The following GAS7 variants were observed in gnomAD, a reference collection of about 807,000 sequenced individuals.
GAS7 encodes the protein growth arrest-specific protein 7.
A neutral mutation model predicts 71.1 loss-of-function variants in GAS7; 28 were observed. That is an observed-to-expected ratio of 0.39 (90% CI 0.29 to 0.54). The LOEUF (loss-of-function observed/expected upper bound fraction) is 0.54, where lower values mean the gene tolerates loss of function less well. Ranked by LOEUF, GAS7 falls within the 20% of genes least tolerant of loss-of-function variation. The pLI is 0.62. For missense variants in GAS7, 436 were observed against 627.8 expected, an observed-to-expected ratio of 0.69 and a Z score of 3.27; for synonymous variants, 258 against 245.8, an observed-to-expected ratio of 1.05 and a Z score of -0.46.
intron 1 of GAS7, among the ~76,000 whole-genome samples, chr17:10,045,689 G>A (rs192185764): frequency 3.9e-5 from 6 of 152,020 alleles, no homozygotes; most frequent in East Asian, 1.9e-4. Flanking sequence ...AGAGTGAGAC[G>A]CTATCTCAAA....
chr17:9,939,884 G>A (rs2068537993), intron 8 of GAS7, among the ~76,000 whole-genome samples: 1 of 152,128 alleles, frequency 6.6e-6, no homozygotes, highest in Non-Finnish European at 1.5e-5. Context: ...CTGGGATAAT[G>A]GGTGTGAGCC....
chr17:9,951,671 C>G (rs753882399), intron 5 of GAS7, among the ~76,000 whole-genome samples: 11 of 143,306 alleles, frequency 7.7e-5, no homozygotes, highest in Non-Finnish European at 1.7e-4. Flanking sequence ...GCAGGAGAAT[C>G]GCTTGAACCT....
intron 1 of GAS7, among the ~76,000 whole-genome samples, chr17:10,148,904 C>T (rs537902202): frequency 1.3e-4 from 10 of 77,184 alleles, no homozygotes; most frequent in Admixed American, 1.1e-3. Flanking sequence ...AGAAAGACTC[C>T]GCCTCAAAAA....
intron 1 of GAS7, among the ~76,000 whole-genome samples, chr17:10,075,567 G>C (rs1014581240): frequency 1.3e-5 from 2 of 152,032 alleles, no homozygotes; most frequent in Admixed American, 1.3e-4. Context: ...GGCCGAGGTG[G>C]GAGGATCACT....
chr17:10,074,466 C>T (rs2073371313), intron 1 of GAS7, among the ~76,000 whole-genome samples: 1 of 152,216 alleles, frequency 6.6e-6, no homozygotes, highest in South Asian at 2.1e-4. Context: ...CTCCTACCTT[C>T]TCAGTGTTGG....
chr17:10,125,889 T>G (rs1228729226), intron 1 of GAS7, among the ~76,000 whole-genome samples: 1 of 152,162 alleles, frequency 6.6e-6, no homozygotes, highest in Non-Finnish European at 1.5e-5. Flanking sequence ...CTCTCTACCC[T>G]CACATACACC....
At chr17:10,180,331 C>CAAAAAA (rs34829725) in intron 1 of GAS7, among the ~76,000 whole-genome samples, 4 of 96,432 alleles carry the variant, frequency 4.1e-5, no homozygotes, top group East Asian at 3.2e-4. Flanking sequence ...AACTCTGCCT[C>CAAAAAA]AAAAAAAAAA....
At chr17:9,943,538 C>A (rs1245526048) in intron 6 of GAS7, among the ~76,000 whole-genome samples, 1 of 152,214 alleles carries the variant, frequency 6.6e-6, no homozygotes, top group Non-Finnish European at 1.5e-5. Flanking sequence ...GCTGTGATGC[C>A]TAACGGCCTA....
rs1484824546 is a variant in GAS7 at position 9,913,163 on chromosome 17, C to G, written c.*4065G>C. On this transcript the variant is annotated 3_prime_UTR_variant, in exon 14 of 14. Transcript: ENST00000432992. ...GTATATTTCCAAAGGGTGAATTTTA[C>G]TGGATGTCAATCATACCTCAATAAA... is the stretch of plus-strand genomic sequence containing the variant. The G allele has an allele frequency of 4.3e-6, 1 of 232,184 alleles. No homozygotes were observed. The highest frequency in any genetic ancestry group is 5.6e-5 in the Admixed American group (1 of 17,746). 14.4% of individuals were successfully genotyped at this position (232,184 alleles called of 1,614,324 possible). A position where few individuals can be genotyped will look rare whatever the true frequency, so the allele number is the denominator to read the frequency against.
chr17:9,999,191 C>G (rs2071163639), intron 2 of GAS7, among the ~76,000 whole-genome samples: 1 of 152,160 alleles, frequency 6.6e-6, no homozygotes, highest in South Asian at 2.1e-4. Context: ...ATATAGAAGA[C>G]TTTCCAGTAA....
At chr17:10,063,296 CTG>C (rs148528620) in intron 1 of GAS7, among the ~76,000 whole-genome samples, 3 of 151,932 alleles carry the variant, frequency 2.0e-5, no homozygotes, top group South Asian at 2.1e-4. Context: ...GTTTGTGTGT[CTG>C]TGTGTGTGTG....
chr17:10,116,675 C>T (rs1368475775), intron 1 of GAS7, among the ~76,000 whole-genome samples: 1 of 152,204 alleles, frequency 6.6e-6, no homozygotes, highest in East Asian at 1.9e-4. Flanking sequence ...ACCAAGGAAT[C>T]ATTCATTCAT....
Position 10,029,662 on chromosome 17 carries a change from T to C in GAS7, c.184-9765A>G, listed in dbSNP as rs189721987. On this transcript the variant is annotated intron_variant, in intron 1 of 13. Transcript: ENST00000432992. ...TGAGCCCAGGAGTTTAAGACCAACC[T>C]GCGCAACACAGCAACTCCATCACCA... Among the ~76,000 whole-genome samples, 2 of 152,090 alleles carry C rather than the reference T, an allele frequency of 1.3e-5. 1 individual carries two copies. Among genetic ancestry groups the C allele is most frequent in the African/African-American group, 4.8e-5 (2 of 41,482 alleles).
At chr17:10,167,319 G>C (rs1454523171) in intron 1 of GAS7, among the ~76,000 whole-genome samples, 3 of 152,068 alleles carry the variant, frequency 2.0e-5, no homozygotes, top group Non-Finnish European at 4.4e-5. Context: ...CCAGAGTGCT[G>C]GGATTACAGG....
intron 1 of GAS7, among the ~76,000 whole-genome samples, chr17:10,078,053 T>TG (rs2073414387): frequency 6.8e-6 from 1 of 146,318 alleles, no homozygotes; most frequent in Non-Finnish European, 1.5e-5. Context: ...GTTTTTTCTG[T>TG]TGTGTGTGTG....
chr17:10,002,016 C>T (rs2071285657), intron 2 of GAS7, among the ~76,000 whole-genome samples: 1 of 152,170 alleles, frequency 6.6e-6, no homozygotes, highest in Non-Finnish European at 1.5e-5. Context: ...TTTACAGCAT[C>T]CTAGCGGACA....
At chr17:10,185,353 G>T (rs1466160400) in intron 1 of GAS7, among the ~76,000 whole-genome samples, 1 of 152,120 alleles carries the variant, frequency 6.6e-6, no homozygotes, top group Non-Finnish European at 1.5e-5. Flanking sequence ...TGAACAGGCA[G>T]CCCCCAGCAT....
At chr17:9,920,992 G>A (rs1239049895) in intron 11 of GAS7, among the ~76,000 whole-genome samples, 2 of 152,098 alleles carry the variant, frequency 1.3e-5, no homozygotes, top group Non-Finnish European at 2.9e-5. Flanking sequence ...CATACCCCTA[G>A]CTATGCCACA....
chr17:10,183,614 C>T (rs62064619), intron 1 of GAS7, among the ~76,000 whole-genome samples: 52,083 of 151,752 alleles, frequency 0.34, 9,197 homozygotes, highest in African/African-American at 0.42. Flanking sequence ...CCGACACGGG[C>T]GGATCACGAG....
Sources: gnomAD v4.1 joint callset for allele counts (sites outside exome capture counted in the v4.1 genomes callset) on GRCh38, gnomAD v4.1.1 for gene constraint, MANE v1.5 for transcripts, NCBI Gene and HGNC (gene_info 2026-07-23, HGNC 2026-07-21) for gene names.